The following CAD variants were observed in gnomAD, a reference collection of about 807,000 sequenced individuals.
CAD encodes carbamoyl-phosphate synthetase 2, aspartate transcarbamylase, and dihydroorotase.
CAD carries 81 observed loss-of-function variants against 237.2 expected under a neutral mutation model. The ratio of observed to expected loss-of-function variants is 0.34; its 90% confidence interval spans 0.29 to 0.41. The LOEUF is 0.41. Among genes scored for constraint, CAD ranks in the 10% least tolerant of loss-of-function variants. CAD has a pLI of 1.00. For synonymous variants in CAD, 1,196 were observed against 1,162.8 expected (o/e 1.03, Z -0.58); for missense variants, 2,181 against 2,951.7 (o/e 0.74, Z 6.05).
At chr2:27,231,900 T>C (rs981752176) in intron 16 of CAD, 80 bp from the exon 17 acceptor site, 20 of 1,557,526 alleles carry the variant, frequency 1.3e-5, no homozygotes, top group Middle Eastern at 1.7e-4. Context: ...TTCCCCTTCC[T>C]GAGACAAGAG....
In CAD at chr2:27,240,603, G is replaced by C. The variant is rs1676270267; in HGVS notation, c.5593+242G>C. 2 of 1,544,398 alleles carry C rather than the reference G, an allele frequency of 1.3e-6. No individual in the cohort carries two copies. The highest frequency in any genetic ancestry group is 2.4e-5 in the South Asian group (2 of 83,186). ...CGCCCAGGAGCTGGGATCCCACGGG[G>C]CAGCAGAGCGTGGGGTAAATCCAGG... On this transcript the variant is annotated intron_variant, in intron 35 of 43. Transcript: ENST00000264705. The surrounding 1 kb of genome is among the most constrained non-coding windows in gnomAD (Gnocchi z 4.6).
Position 27,235,811 on chromosome 2 carries a change from G to A in CAD, c.4074+171G>A. The A allele has an allele frequency of 1.7e-6, 1 of 598,370 alleles. No individual in the cohort carries two copies. Among genetic ancestry groups the A allele is most frequent in the South Asian group, 2.0e-5 (1 of 49,922 alleles). The allele number at this position is 598,370 out of a possible 1,614,324, so 37.1% of individuals were successfully genotyped here. A position where few individuals can be genotyped will look rare whatever the true frequency, so the allele number is the denominator to read the frequency against. On this transcript the variant is annotated intron_variant, in intron 25 of 43. Transcript: ENST00000264705. This position sits in a 1 kb window ranked among gnomAD's most constrained non-coding sequence, Gnocchi z 5.2. ...GCCCAGGAGGTAGAGGCTGCAGTGA[G>A]CTGCGAGTGTGCAGTGAGTGCACCA... is the stretch of plus-strand genomic sequence containing the variant.
chr2:27,242,453 C>G lies in CAD; in HGVS notation c.6222+26C>G. 1.2e-6 allele frequency: 2 copies of G among 1,607,950 alleles called. No individual in the cohort carries two copies. The highest frequency in any genetic ancestry group is 1.7e-6 in the Non-Finnish European group (2 of 1,175,996). ...GTGAGGGTGGTGGCAGGGTTTGGAT[C>G]CCTGCCAGGGGACGATCTAGAGAGG... is the stretch of plus-strand genomic sequence containing the variant. On this transcript the variant is annotated intron_variant, in intron 40 of 43. Transcript: ENST00000264705. The surrounding 1 kb of genome is among the most constrained non-coding windows in gnomAD (Gnocchi z 6.4).
chr2:27,226,267 G>A lies in CAD; in HGVS notation c.1979G>A (p.Gly660Glu). ...GCTATCAAGGTGACCCAGCACCTGG[G>A]AATTGTTGGGGAGTGCAATGTGCAG... Reference protein sequence around the residue: ...QTAIKVTQHLGIVGECNVQYA... With the variant: ...QTAIKVTQHLEIVGECNVQYA... The change falls in exon 13 of 44, where the codon GGA becomes GAA. Residue 660 changes from glycine (G) to glutamate (E), a missense_variant. Coordinates refer to ENST00000264705, the MANE Select transcript of CAD (RefSeq NM_004341.5). 6.2e-7 allele frequency: 1 copy of A among 1,614,214 alleles called. No individual in the cohort carries two copies. Among genetic ancestry groups the A allele is most frequent in the Non-Finnish European group, 8.5e-7 (1 of 1,180,036 alleles).
At position 27,238,518 on chromosome 2, in the gene CAD, C is replaced by G. The variant is rs1306347089; in HGVS notation, c.4948C>G (p.Leu1650Val). The G allele has an allele frequency of 6.2e-7, 1 of 1,613,790 alleles. No individual in the cohort carries two copies. The highest frequency in any genetic ancestry group is 8.5e-7 in the Non-Finnish European group (1 of 1,179,850). The change falls in exon 31 of 44, where the codon CTG becomes GTG. Residue 1650 changes from leucine to valine, a missense_variant. Leu to Val is a conservative substitution (Grantham distance 32, BLOSUM62 1). Around this residue, in one of 12 missense-constraint regions of CAD, gnomAD observed 478 missense variants for 515.0 expected, o/e 0.93. Transcript: ENST00000264705. ...PHHLFLSHDDLERLGPGKGEV... is the reference protein window; with the variant it reads ...PHHLFLSHDDVERLGPGKGEV... ...CCACCTGTTCCTAAGCCATGATGAC[C>G]TGGAGCGCCTGGGGCCTGGGAAGGG...
intron 3 of CAD, among the ~76,000 whole-genome samples, chr2:27,221,721 A>G (rs933294627): frequency 4.0e-5 from 6 of 149,588 alleles, no homozygotes; most frequent in Non-Finnish European, 8.9e-5. Context: ...ATTCCCTAAT[A>G]CAAGTGTCCA....
Position 27,239,920 on chromosome 2 carries a change from G to C in CAD, c.5496+122G>C. On this transcript the variant is annotated intron_variant, in intron 34 of 43. Transcript: ENST00000264705. This position sits in a 1 kb window ranked among gnomAD's most constrained non-coding sequence, Gnocchi z 4.0. ...GTTTTCTTGAGGGACTGAATTTGAA[G>C]TGGGGTTGGGTCAATTATTTTTTTA... 1 of 707,146 alleles carries C rather than the reference G, an allele frequency of 1.4e-6. No individual in the cohort carries two copies. Among genetic ancestry groups the C allele is most frequent in the Middle Eastern group, 2.5e-4 (1 of 4,050 alleles). 43.8% of individuals were successfully genotyped at this position (707,146 alleles called of 1,614,324 possible). A position where few individuals can be genotyped will look rare whatever the true frequency, so the allele number is the denominator to read the frequency against.
At position 27,221,360 on chromosome 2, in the gene CAD, G is replaced by A; in HGVS notation, c.352+13G>A. The A allele has an allele frequency of 6.5e-7, 1 of 1,550,062 alleles. No individual in the cohort carries two copies. The highest frequency in any genetic ancestry group is 8.7e-7 in the Non-Finnish European group (1 of 1,149,620). On this transcript the variant is annotated intron_variant, in intron 3 of 43. Transcript: ENST00000264705. ...CCTGGCTTGCAAGGTATGGTGGCAA[G>A]CAGGGGCATATTTGGGCAGAGCACA...
chr2:27,224,038 C>G lies in CAD; in HGVS notation c.1108+9C>G. ...CCCTGGGGGCCAGACAGGTAAGATC[C>G]TGAGTAGAACTGGGTTGTGGACCTA... On this transcript the variant is annotated intron_variant, in intron 8 of 43. Transcript: ENST00000264705. The G allele has an allele frequency of 6.4e-7, 1 of 1,572,740 alleles. No individual in the cohort carries two copies. Among genetic ancestry groups the G allele is most frequent in the Non-Finnish European group, 8.8e-7 (1 of 1,142,132 alleles).
At chr2:27,223,845 A>C in intron 7 of CAD, 72 bp from the exon 8 acceptor site, 1 of 1,546,328 alleles carries the variant, frequency 6.5e-7, no homozygotes, top group Non-Finnish European at 8.9e-7. Flanking sequence ...CCCCTGTCCC[A>C]CTACCCACCT....
rs200870993 is a variant in CAD, at chr2:27,238,183, A to G, written c.4856A>G (p.Glu1619Gly). 3.7e-6 allele frequency: 6 copies of G among 1,613,916 alleles called. No individual in the cohort carries two copies. In the African/African-American group the frequency reaches 5.3e-5, roughly 14 times the overall value. ...CACATATGTCACGTGGCACGGAAGG[A>G]GGAGGTAAGAGTACACCTGAGATCC... ...SVHICHVARKEEILLIKAAKA... is the reference protein window; with the variant it reads ...SVHICHVARKGEILLIKAAKA... Residue 1619 changes from glutamate to glycine, a missense_variant, in exon 30 of 44, where the codon GAG becomes GGG. Physicochemically the swap from Glu to Gly is moderately conservative, Grantham distance 98 (BLOSUM62 -2). Coordinates refer to ENST00000264705, the MANE Select transcript of CAD (RefSeq NM_004341.5).
At position 27,237,508 on chromosome 2, in the gene CAD, C is replaced by G; in HGVS notation, c.4526C>G (p.Pro1509Arg). 1 of 1,614,054 alleles carries G rather than the reference C, an allele frequency of 6.2e-7. No individual in the cohort carries two copies. The highest frequency in any genetic ancestry group is 8.5e-7 in the Non-Finnish European group (1 of 1,180,012). The change falls in exon 28 of 44, where the codon CCC becomes CGC. Residue 1509 changes from proline (P) to arginine (R), a missense_variant. Transcript: ENST00000264705. This position sits in a 1 kb window ranked among gnomAD's most constrained non-coding sequence, Gnocchi z 4.0. Reference protein sequence around the residue: ...MVCAMPNTRPPIIDAPALALA... With the variant: ...MVCAMPNTRPRIIDAPALALA... ...TGTGCCATGCCTAATACCCGGCCCC[C>G]CATCATTGACGCCCCTGCTCTGGCC... is the stretch of plus-strand genomic sequence containing the variant.
rs373157465 is a variant in CAD, at chr2:27,240,223, GAAA to G, written c.5497-31_5497-29del. On this transcript the variant is annotated intron_variant, in intron 34 of 43. Transcript: ENST00000264705. This position sits in a 1 kb window ranked among gnomAD's most constrained non-coding sequence, Gnocchi z 4.6. The stretch of plus-strand genomic sequence containing the variant: ...GACAGAACGAGACTCCGTCTCAAAA[GAAA>G]AAAAAAAAAACAACTCTGGGCCAAC... 7.2e-6 allele frequency: 9 copies of G among 1,242,156 alleles called. No individual in the cohort carries two copies. The highest frequency in any genetic ancestry group is 2.7e-5 in the East Asian group (1 of 37,476). 76.9% of individuals were successfully genotyped at this position (1,242,156 alleles called of 1,614,324 possible).
chr2:27,218,327 G>GAACA (rs1674975749), intron 2 of CAD, among the ~76,000 whole-genome samples: 1 of 152,202 alleles, frequency 6.6e-6, no homozygotes, highest in Non-Finnish European at 1.5e-5. Flanking sequence ...AGGTGTAAGG[G>GAACA]AACAGCCTTG....
At position 27,232,917 on chromosome 2, in the gene CAD, A is replaced by G. The variant is rs934912356; in HGVS notation, c.2893-125A>G. The G allele has an allele frequency of 3.7e-6, 3 of 813,240 alleles. No homozygotes were observed. Among genetic ancestry groups the G allele is most frequent in the East Asian group, 2.5e-5 (1 of 39,424 alleles). The allele number at this position is 813,240 out of a possible 1,614,324, so 50.4% of individuals were successfully genotyped here. The stretch of plus-strand genomic sequence containing the variant: ...CCCTCCCAAGGCAGGGGTCCTGTAC[A>G]GCTCTTTCAGAGGAAGCTGTGCTGG... On this transcript the variant is annotated intron_variant, in intron 18 of 43. Transcript: ENST00000264705. The surrounding 1 kb of genome is among the most constrained non-coding windows in gnomAD (Gnocchi z 4.1).
intron 2 of CAD, among the ~76,000 whole-genome samples, chr2:27,219,157 A>G (rs1166244138): frequency 6.6e-6 from 1 of 152,010 alleles, no homozygotes; most frequent in African/African-American, 2.4e-5. Context: ...TAAATGGATT[A>G]CTCCACCTGG....
Position 27,231,597 on chromosome 2 carries a change from C to T in CAD, c.2400+17C>T, listed in dbSNP as rs1244205897. The T allele has an allele frequency of 6.1e-6, 9 of 1,479,610 alleles. No individual in the cohort carries two copies. Among genetic ancestry groups the T allele is most frequent in the Non-Finnish European group, 8.5e-6 (9 of 1,057,794 alleles). 91.7% of individuals were successfully genotyped at this position (1,479,610 alleles called of 1,614,324 possible). A position where few individuals can be genotyped will look rare whatever the true frequency, so the allele number is the denominator to read the frequency against. ...AGCGATATGGTAAGTAGCTCCCCTC[C>T]CCTGGCAATACCCCTAAAATAGACC... On this transcript the variant is annotated intron_variant, in intron 16 of 43. Transcript: ENST00000264705.
chr2:27,234,161 A>G lies in CAD; in HGVS notation c.3553A>G (p.Ile1185Val). Residue 1185 changes from isoleucine (I) to valine (V), a missense_variant, in exon 22 of 44, where the codon ATT becomes GTT. Physicochemically the swap from Ile to Val is conservative, Grantham distance 29. Coordinates refer to ENST00000264705, the MANE Select transcript of CAD (RefSeq NM_004341.5). ...TAKTLERIKA[I>V]VHAVGQELQV... Reference sequence around the variant, plus strand: ...CAAAACCCTGGAGCGGATCAAAGCCATTGTGCATGCTGTGGGCCAGGAGCT... The same window carrying G: ...CAAAACCCTGGAGCGGATCAAAGCCGTTGTGCATGCTGTGGGCCAGGAGCT... The G allele has an allele frequency of 6.2e-7, 1 of 1,614,172 alleles. No individual in the cohort carries two copies. Among genetic ancestry groups the G allele is most frequent in the Non-Finnish European group, 8.5e-7 (1 of 1,180,020 alleles).
At chr2:27,224,080 C>A in intron 8 of CAD, 51 bp downstream of exon 8, 1 of 1,336,194 alleles carries the variant, frequency 7.5e-7, no homozygotes, top group Non-Finnish European at 1.1e-6. Flanking sequence ...GGGTTGGCTC[C>A]AGGATGGGCA....
Sources: allele counts gnomAD v4.1 joint callset (sites outside exome capture counted in the v4.1 genomes callset), GRCh38; gene constraint gnomAD v4.1.1; regional missense constraint gnomAD v4.1.1; non-coding constraint Gnocchi (gnomAD v3.1); transcripts MANE v1.5; gene names NCBI Gene and HGNC (gene_info 2026-07-23, HGNC 2026-07-21).